Variants in PTPRA observed in about 807,000 individuals in gnomAD.
PTPRA encodes protein tyrosine phosphatase receptor type A.
PTPRA carries 25 observed loss-of-function variants against 104.8 expected under a neutral mutation model. The observed-to-expected ratio is 0.24, with a 90% CI of 0.17 to 0.33. The LOEUF is 0.33. PTPRA is among the 10% of genes least tolerant of loss of function. The probability of loss-of-function intolerance (pLI) is 1.00; values close to 1 mark genes in which losing one functional copy is unlikely to be tolerated. For synonymous variants in PTPRA, 323 were observed against 368.9 expected (o/e 0.88, Z 1.43); for missense variants, 765 against 1,015.3 (o/e 0.75, Z 3.35).
chr20:2,930,811 A>G (rs1316710009), intron 2 of PTPRA, among the ~76,000 whole-genome samples: 2 of 152,214 alleles, frequency 1.3e-5, no homozygotes, highest in Non-Finnish European at 2.9e-5. Flanking sequence ...ATAAGGTCAC[A>G]TCCTATGGTA....
intron 1 of PTPRA, among the ~76,000 whole-genome samples, chr20:2,915,455 G>A (rs907082096): frequency 2.0e-5 from 3 of 147,572 alleles, no homozygotes; most frequent in Non-Finnish European, 4.5e-5. Flanking sequence ...TTTAAATTGG[G>A]GGGAAGTTGT....
intron 6 of PTPRA, among the ~76,000 whole-genome samples, chr20:2,985,459 T>C (rs2062858604): frequency 6.6e-6 from 1 of 152,184 alleles, no homozygotes; most frequent in Non-Finnish European, 1.5e-5. Flanking sequence ...TCTTCCCTTT[T>C]AGCAGGTAGG....
intron 7 of PTPRA, among the ~76,000 whole-genome samples, chr20:2,987,503 C>A (rs2062957640): frequency 6.6e-6 from 1 of 152,102 alleles, no homozygotes; most frequent in Non-Finnish European, 1.5e-5. Context: ...TTGGCCTAAC[C>A]AAAGATGTTC....
At chr20:3,018,688 A>G (rs558431492) in intron 13 of PTPRA, among the ~76,000 whole-genome samples, 69 of 151,020 alleles carry the variant, frequency 4.6e-4, no homozygotes, top group African/African-American at 1.5e-3. Context: ...CCCCCTTTCT[A>G]TTCCACAAAA....
Position 3,022,236 on chromosome 20 carries a change from C to T in PTPRA, c.1328+16C>T, listed in dbSNP as rs2064910332. On this transcript the variant is annotated intron_variant, in intron 15 of 23. Transcript: ENST00000399903. This position sits in a 1 kb window ranked among gnomAD's most constrained non-coding sequence, Gnocchi z 4.6. ...TCCACTGCAGGTCAGTGTGGCCTGACCCTTGTACCCCCACCCCCACATTTC... is the reference window on the plus strand; with the variant it reads ...TCCACTGCAGGTCAGTGTGGCCTGATCCTTGTACCCCCACCCCCACATTTC... The T allele has an allele frequency of 6.2e-7, 1 of 1,612,782 alleles. No individual in the cohort carries two copies. Among genetic ancestry groups the T allele is most frequent in the Admixed American group, 1.7e-5 (1 of 59,934 alleles).
rs1413966312 is a variant in PTPRA at position 3,037,317 on chromosome 20, C to T, written c.2334+28C>T. ...ATGCTGCCCACATATTTGTCCCTGCCACCACACCACCTGCAGCCCTTCTCT... is the reference window on the plus strand; with the variant it reads ...ATGCTGCCCACATATTTGTCCCTGCTACCACACCACCTGCAGCCCTTCTCT... On this transcript the variant is annotated intron_variant, in intron 23 of 23. Coordinates refer to ENST00000399903, the MANE Select transcript of PTPRA (RefSeq NM_001385305.1). This position sits in a 1 kb window ranked among gnomAD's most constrained non-coding sequence, Gnocchi z 4.3. 6.2e-7 allele frequency: 1 copy of T among 1,611,270 alleles called. No individual in the cohort carries two copies.
At chr20:3,012,557 G>A (rs2064225087) in intron 11 of PTPRA, among the ~76,000 whole-genome samples, 1 of 152,258 alleles carries the variant, frequency 6.6e-6, no homozygotes, top group Admixed American at 6.5e-5. Context: ...AGGTGCTCAT[G>A]GGTGAGATGG....
chr20:2,975,361 C>A (rs1425474338), intron 6 of PTPRA, 120 bp downstream of exon 6: 3 of 828,192 alleles, frequency 3.6e-6, no homozygotes, highest in African/African-American at 3.5e-5. Context: ...TGTTTACTTT[C>A]CCTTAAGTTA....
intron 3 of PTPRA, among the ~76,000 whole-genome samples, chr20:2,961,410 C>G (rs1187133883): frequency 1.3e-5 from 2 of 152,136 alleles, no homozygotes; most frequent in East Asian, 3.9e-4. Flanking sequence ...TTTTCAGATG[C>G]TTATTTGCCG....
At chr20:2,865,013 C>T in the PTPRA span, 18 of 1,614,014 alleles carry the variant, frequency 1.1e-5, no homozygotes, top group South Asian at 6.6e-5. The surrounding 1 kb of genome is among the most constrained non-coding windows in gnomAD (Gnocchi z 5.2). Flanking sequence ...TGCAGACAGC[C>T]GCCGATGCCT....
At chr20:2,908,138 C>T (rs2059493378) in intron 1 of PTPRA, among the ~76,000 whole-genome samples, 2 of 152,064 alleles carry the variant, frequency 1.3e-5, no homozygotes, top group Admixed American at 6.6e-5. Flanking sequence ...CCTTACCTTC[C>T]CTCCTTGCTG....
At chr20:2,895,072 GTTATTTATTTAT>G (rs1187486278) in intron 1 of PTPRA, among the ~76,000 whole-genome samples, 1 of 151,168 alleles carries the variant, frequency 6.6e-6, no homozygotes, top group Non-Finnish European at 1.5e-5. Flanking sequence ...ACTATTACTT[GTTATTTATTTAT>G]TTATTTATTT....
chr20:3,020,394 G>A (rs566925728), intron 13 of PTPRA, among the ~76,000 whole-genome samples: 10 of 152,260 alleles, frequency 6.6e-5, no homozygotes, highest in African/African-American at 1.4e-4. Flanking sequence ...CACCACGCCC[G>A]GCCCACAGAG....
chr20:3,015,862 A>C lies in PTPRA; in HGVS notation c.920A>C (p.Lys307Thr), dbSNP rs749505007. ...NASFINGYQE[K>T]NKFIAAQGPK... ...CCCACACCCCAGGGCTACCAAGAAA[A>C]GAACAAATTCATTGCTGCACAAGGT... The change falls in exon 12 of 24, where the codon AAG becomes ACG. Residue 307 changes from lysine to threonine, a missense_variant. Physicochemically the swap from Lys to Thr is moderately conservative, Grantham distance 78. Around this residue, in one of 4 missense-constraint regions of PTPRA, gnomAD observed 245 missense variants for 398.7 expected, o/e 0.61. Coordinates refer to ENST00000399903, the MANE Select transcript of PTPRA (RefSeq NM_001385305.1). The C allele has an allele frequency of 6.4e-7, 1 of 1,562,948 alleles. No homozygotes were observed. The highest frequency in any genetic ancestry group is 8.8e-7 in the Non-Finnish European group (1 of 1,134,136).
At chr20:2,900,970 TTTTTG>T (rs1005372352) in intron 1 of PTPRA, among the ~76,000 whole-genome samples, 5 of 152,178 alleles carry the variant, frequency 3.3e-5, no homozygotes, top group African/African-American at 1.2e-4. Context: ...AATTTTGTTT[TTTTTG>T]TTTTGTTTTG....
intron 9 of PTPRA, among the ~76,000 whole-genome samples, chr20:2,990,209 A>G (rs1043058573): frequency 1.3e-5 from 2 of 152,210 alleles, no homozygotes; most frequent in Non-Finnish European, 2.9e-5. Context: ...TGGTAAATAC[A>G]TCAGCTGGGG....
chr20:2,954,938 T>A (rs2061484262), intron 3 of PTPRA, among the ~76,000 whole-genome samples: 1 of 152,154 alleles, frequency 6.6e-6, no homozygotes, highest in Non-Finnish European at 1.5e-5. Context: ...TGAGTACCAT[T>A]TGATGAAAAG....
rs1417949222 is a variant in PTPRA at position 3,038,119 on chromosome 20, G to A, written c.2395G>A (p.Ala799Thr). The A allele has an allele frequency of 6.2e-7, 1 of 1,611,548 alleles. No homozygotes were observed. ...QEYIDAFSDY[A>T]NFK The stretch of plus-strand genomic sequence containing the variant: ...GTATATTGATGCATTCTCAGATTAT[G>A]CCAACTTCAAGTAAGCGGCAACAAG... The change falls in exon 24 of 24, where the codon GCC becomes ACC. Residue 799 changes from alanine to threonine, a missense_variant. Ala to Thr is a moderately conservative substitution (Grantham distance 58, BLOSUM62 0). Around this residue, in one of 4 missense-constraint regions of PTPRA, gnomAD observed 72 missense variants for 140.7 expected, o/e 0.51. Transcript: ENST00000399903.
intron 5 of PTPRA, 25 bp downstream of exon 5, chr20:2,965,227 CT>C (rs1310049488): frequency 6.5e-7 from 1 of 1,544,388 alleles, no homozygotes; most frequent in Non-Finnish European, 8.8e-7. Context: ...TCTGTTTGTT[CT>C]TTTGCTCTTT....
Sources: gnomAD v4.1 joint callset for allele counts (sites outside exome capture counted in the v4.1 genomes callset) on GRCh38, gnomAD v4.1.1 for gene constraint, gnomAD v4.1.1 regional missense constraint, Gnocchi (gnomAD v3.1) non-coding constraint, MANE v1.5 for transcripts, NCBI Gene and HGNC (gene_info 2026-07-23, HGNC 2026-07-21) for gene names.